Variants in MYO1E observed in about 807,000 individuals in gnomAD.
MYO1E encodes myosin IE, also known as unconventional myosin-Ie.
MYO1E carries 68 observed loss-of-function variants against 151.1 expected under a neutral mutation model. The ratio of observed to expected loss-of-function variants is 0.45; its 90% CI spans 0.37 to 0.55. The LOEUF is 0.55. Ranked by LOEUF, MYO1E falls within the 20% of genes least tolerant of loss-of-function variation. MYO1E has a pLI of 0.00. For missense variants in MYO1E, 1,363 were observed against 1,389.3 expected, an observed-to-expected ratio of 0.98 and a Z score of 0.30; for synonymous variants, 601 against 501.7, an observed-to-expected ratio of 1.20 and a Z score of -2.64.
intron 11 of MYO1E, 138 bp downstream of exon 11, chr15:59,214,502 A>C: frequency 9.8e-7 from 1 of 1,020,342 alleles, no homozygotes; most frequent in Non-Finnish European, 1.5e-6. Flanking sequence ...ACAAAGGCAA[A>C]AATGAGCCTG....
At chr15:59,139,759 G>C (rs529969049) in intron 26 of MYO1E, among the ~76,000 whole-genome samples, 3 of 140,584 alleles carry the variant, frequency 2.1e-5, no homozygotes, top group South Asian at 2.3e-4. Context: ...CTTCCCTCCC[G>C]TCCCTCATTA....
At chr15:59,215,678 A>G (rs1162963387) in intron 10 of MYO1E, among the ~76,000 whole-genome samples, 3 of 152,204 alleles carry the variant, frequency 2.0e-5, no homozygotes, top group Non-Finnish European at 4.4e-5. Context: ...TTGTGAGCGA[A>G]TGAGTAATCA....
chr15:59,227,088 C>A (rs965407582), intron 7 of MYO1E, among the ~76,000 whole-genome samples: 1 of 152,206 alleles, frequency 6.6e-6, no homozygotes, highest in Middle Eastern at 3.2e-3. Context: ...TGCAGGTCAC[C>A]TGTCTTCCCT....
At chr15:59,223,976 A>G (rs2079971866) in intron 8 of MYO1E, among the ~76,000 whole-genome samples, 1 of 152,170 alleles carries the variant, frequency 6.6e-6, no homozygotes, top group African/African-American at 2.4e-5. Flanking sequence ...CCACAAATGT[A>G]CTGAACCCAC....
At chr15:59,331,540 T>G (rs2080698140) in intron 1 of MYO1E, among the ~76,000 whole-genome samples, 1 of 152,186 alleles carries the variant, frequency 6.6e-6, no homozygotes, top group South Asian at 2.1e-4. Flanking sequence ...TCTCCTCTCC[T>G]AGAGATCGCA....
intron 1 of MYO1E, among the ~76,000 whole-genome samples, chr15:59,367,839 G>A (rs2080923085): frequency 6.6e-6 from 1 of 152,230 alleles, no homozygotes; most frequent in African/African-American, 2.4e-5. Context: ...ATTGGCAGAG[G>A]CCGGGCGTGG....
At chr15:59,207,240 G>C (rs770545957) in intron 14 of MYO1E, 1 of 1,614,058 alleles carries the variant, frequency 6.2e-7, no homozygotes, top group African/African-American at 1.3e-5. Flanking sequence ...TTGCCCTTGT[G>C]GATCTTGATG....
chr15:59,210,932 T>C (rs1167429119), intron 12 of MYO1E, among the ~76,000 whole-genome samples: 1 of 152,120 alleles, frequency 6.6e-6, no homozygotes. Context: ...CTGGGCGCGG[T>C]GGCTCACATC....
intron 3 of MYO1E, 84 bp downstream of exon 3, chr15:59,261,336 A>G (rs937274120): frequency 5.9e-5 from 56 of 952,920 alleles, no homozygotes; most frequent in Non-Finnish European, 8.6e-5. Context: ...GAAAAGTGCA[A>G]AAGTACTGCT....
Position 59,208,579 on chromosome 15 carries a change from A to T in MYO1E, c.1530+102T>A, listed in dbSNP as rs113206163. The T allele has an allele frequency of 3.0e-5, 42 of 1,407,272 alleles. No homozygotes were observed. In the African/African-American group the frequency reaches 4.2e-4, roughly 14 times the overall value. The allele number at this position is 1,407,272 out of a possible 1,614,324, so 87.2% of individuals were successfully genotyped here. ...ATAGTTAATAAATTCCGTTTGTTGAATCAATAAAATACGGCGAGCCATATG... is the reference window on the plus strand; with the variant it reads ...ATAGTTAATAAATTCCGTTTGTTGATTCAATAAAATACGGCGAGCCATATG... On this transcript the variant is annotated intron_variant, in intron 14 of 27. Coordinates refer to ENST00000288235, the MANE Select transcript of MYO1E (RefSeq NM_004998.4).
chr15:59,197,405 T>C (rs2079774418), intron 16 of MYO1E, among the ~76,000 whole-genome samples: 1 of 152,238 alleles, frequency 6.6e-6, no homozygotes, highest in African/African-American at 2.4e-5. Context: ...AAGTGTAACT[T>C]AAGTTTATAA....
intron 6 of MYO1E, among the ~76,000 whole-genome samples, chr15:59,227,958 T>A (rs574062115): frequency 3.9e-5 from 6 of 152,004 alleles, no homozygotes; most frequent in Admixed American, 3.9e-4. Context: ...TCAGGCTTCA[T>A]CTCATGGCTT....
intron 1 of MYO1E, among the ~76,000 whole-genome samples, chr15:59,325,343 T>C (rs1232456979): frequency 1.3e-5 from 2 of 152,166 alleles, no homozygotes; most frequent in Non-Finnish European, 2.9e-5. Flanking sequence ...CCAATTGTCC[T>C]TTTTAGTTAG....
chr15:59,299,362 C>T (rs1290474414), intron 1 of MYO1E, among the ~76,000 whole-genome samples: 2 of 152,202 alleles, frequency 1.3e-5, no homozygotes, highest in Non-Finnish European at 2.9e-5. Context: ...ACAGGGATGG[C>T]ATTTTTTAAA....
chr15:59,246,579 A>G (rs1248551661), intron 4 of MYO1E, among the ~76,000 whole-genome samples: 1 of 152,106 alleles, frequency 6.6e-6, no homozygotes, highest in Non-Finnish European at 1.5e-5. Context: ...CACTGCTGCA[A>G]TAGATTTCCA....
In MYO1E at chr15:59,149,052, GTTTTTTTTTT is replaced by G. The variant is rs570700878; in HGVS notation, c.3080+4528_3080+4537del. On this transcript the variant is annotated intron_variant, in intron 26 of 27. Transcript: ENST00000288235. Reference sequence around the variant, plus strand: ...GTGGATGAACTGTTTTTTTTTTTTTGTTTTTTTTTTTTTTTTTTTTTTGAGACAGAGTCTT... The same window carrying G: ...GTGGATGAACTGTTTTTTTTTTTTTGTTTTTTTTTTTTGAGACAGAGTCTT... 8.5e-3 allele frequency among the ~76,000 whole-genome samples: 1,092 copies of G among 128,266 alleles called. 14 individuals are homozygous for G. Among genetic ancestry groups the G allele is most frequent in the African/African-American group, 0.031 (1,029 of 32,866 alleles). 84.1% of individuals were successfully genotyped at this position (128,266 alleles called of 152,430 possible). A position where few individuals can be genotyped will look rare whatever the true frequency, so the allele number is the denominator to read the frequency against.
intron 1 of MYO1E, among the ~76,000 whole-genome samples, chr15:59,272,807 T>C (rs1280086374): frequency 6.6e-6 from 1 of 152,222 alleles, no homozygotes; most frequent in Admixed American, 6.5e-5. Flanking sequence ...CAACACACGG[T>C]TGACAGTCTC....
intron 1 of MYO1E, among the ~76,000 whole-genome samples, chr15:59,291,314 T>C (rs2080417227): frequency 6.6e-6 from 1 of 152,148 alleles, no homozygotes; most frequent in South Asian, 2.1e-4. Flanking sequence ...AACACAGTAT[T>C]ACCTCCTAAT....
At chr15:59,321,106 T>C (rs2080623001) in intron 1 of MYO1E, among the ~76,000 whole-genome samples, 1 of 152,106 alleles carries the variant, frequency 6.6e-6, no homozygotes. Context: ...CTAATTATCA[T>C]AGAAATACAA....
Sources: allele counts gnomAD v4.1 joint callset (sites outside exome capture counted in the v4.1 genomes callset), GRCh38; gene constraint gnomAD v4.1.1; transcripts MANE v1.5; gene names NCBI Gene and HGNC (gene_info 2026-07-23, HGNC 2026-07-21).